Variants in ADGRV1 observed in about 807,000 individuals in gnomAD.
ADGRV1 encodes the protein adhesion G protein-coupled receptor V1, also known as G-protein coupled receptor 98.
A neutral mutation model predicts 596.2 loss-of-function variants in ADGRV1; 359 were observed. The ratio of observed to expected loss-of-function variants is 0.60; its 90% CI spans 0.55 to 0.66. ADGRV1 has a LOEUF of 0.66. Among genes scored for constraint, ADGRV1 ranks in the 30% least tolerant of loss-of-function variants. The probability of loss-of-function intolerance (pLI) is 0.00; values close to 1 mark genes in which losing one functional copy is unlikely to be tolerated. For synonymous variants in ADGRV1, 2,681 were observed against 2,679.2 expected, an observed-to-expected ratio of 1.00 and a Z score of -0.02; for missense variants, 7,274 against 7,575.6, an observed-to-expected ratio of 0.96 and a Z score of 1.48.
At chr5:91,065,982 A>G (rs1787850772) in intron 85 of ADGRV1, among the ~76,000 whole-genome samples, 1 of 152,160 alleles carries the variant, frequency 6.6e-6, no homozygotes, top group South Asian at 2.1e-4. Context: ...TGGTTGTAAG[A>G]CCCCAAAAGA....
chr5:90,764,466 G>A (rs555289232), intron 59 of ADGRV1, among the ~76,000 whole-genome samples: 90 of 152,322 alleles, frequency 5.9e-4, no homozygotes, highest in African/African-American at 2.1e-3. Context: ...TATGCACTAA[G>A]TACCAGTGGG....
rs1391658906 is a variant in ADGRV1 at position 91,150,177 on chromosome 5, G to A, written c.18580G>A (p.Glu6194Lys). The change falls in exon 88 of 90, where the codon GAA becomes AAA. Residue 6194 changes from glutamate (E) to lysine (K), a missense_variant. This residue lies in a region of ADGRV1 where 1,874 missense variants were observed against 1,970.2 expected (regional missense o/e 0.95). Transcript: ENST00000405460. ...GAGTGGAATGCCTCCTGCTGGAGGG[G>A]AAATCAGCAAGTCCACCCAGAATCT... ...PGSGMPPAGG[E>K]ISKSTQNLIG... 3 of 1,593,136 alleles carry A rather than the reference G, an allele frequency of 1.9e-6. No homozygotes were observed. Among genetic ancestry groups the A allele is most frequent in the Non-Finnish European group, 2.6e-6 (3 of 1,170,872 alleles).
chr5:90,855,834 T>G lies in ADGRV1; in HGVS notation c.17688T>G (p.Tyr5896Ter). 1 of 1,613,236 alleles carries G rather than the reference T, an allele frequency of 6.2e-7. No homozygotes were observed. The highest frequency in any genetic ancestry group is 1.1e-5 in the South Asian group (1 of 91,022). ...CACACATGTCTGTGTATGCTGTCTA[T>G]GCTCGGACTGACAACTTGTCTTCAT... ...ACSHMSVYAV[Y>*]ARTDNLSSYN... Residue 5896 changes from tyrosine to a stop codon, truncating the protein, a stop_gained, in exon 82 of 90, where the codon TAT (tyrosine) becomes TAG (stop). Coordinates refer to ENST00000405460, the MANE Select transcript of ADGRV1 (RefSeq NM_032119.4). LOFTEE classifies it high-confidence loss of function.
intron 48 of ADGRV1, among the ~76,000 whole-genome samples, chr5:90,726,360 C>G (rs1443626782): frequency 6.6e-6 from 1 of 152,174 alleles, no homozygotes; most frequent in African/African-American, 2.4e-5. Flanking sequence ...AATGTTCTAG[C>G]TTCACCCAGC....
intron 87 of ADGRV1, among the ~76,000 whole-genome samples, chr5:91,112,706 A>G (rs544411042): frequency 1.4e-4 from 22 of 152,322 alleles, no homozygotes; most frequent in Non-Finnish European, 3.1e-4. Flanking sequence ...AAAACTTTAT[A>G]TGAATATTTT....
chr5:91,081,088 C>T (rs1460708967), intron 86 of ADGRV1, among the ~76,000 whole-genome samples: 1 of 152,076 alleles, frequency 6.6e-6, no homozygotes, highest in Non-Finnish European at 1.5e-5. Context: ...AAGATCAAGG[C>T]GTCAGCTGAT....
chr5:90,962,412 A>C (rs1159423711), intron 83 of ADGRV1, among the ~76,000 whole-genome samples: 1 of 152,244 alleles, frequency 6.6e-6, no homozygotes, highest in Non-Finnish European at 1.5e-5. Context: ...ATGCTTTCAG[A>C]GAACTGACTG....
At chr5:90,754,563 T>G (rs754654861) in intron 54 of ADGRV1, among the ~76,000 whole-genome samples, 2 of 152,206 alleles carry the variant, frequency 1.3e-5, no homozygotes, top group Non-Finnish European at 2.9e-5. Flanking sequence ...ACAAAATCAC[T>G]CTTAATGATT....
At chr5:90,896,929 GT>G (rs1423439592) in intron 83 of ADGRV1, among the ~76,000 whole-genome samples, 1 of 152,182 alleles carries the variant, frequency 6.6e-6, no homozygotes, top group Non-Finnish European at 1.5e-5. Context: ...GCAGGTTCTT[GT>G]TGGGGGGCTG....
intron 83 of ADGRV1, among the ~76,000 whole-genome samples, chr5:90,916,912 G>A (rs548413087): frequency 1.1e-4 from 17 of 152,200 alleles, no homozygotes; most frequent in African/African-American, 3.6e-4. Context: ...GATTACAGGC[G>A]TGAGCCACCG....
rs765717832 is a variant in ADGRV1, at chr5:90,651,717, A to C, written c.3403A>C (p.Thr1135Pro). ...PIDKAVEEGKTNAFWILRHRG... is the reference protein window; with the variant it reads ...PIDKAVEEGKPNAFWILRHRG... Reference sequence around the variant, plus strand: ...AGACAAAGCAGTGGAAGAAGGAAAGACTAATGCATTTTGGTAAGCATATGT... The same window carrying C: ...AGACAAAGCAGTGGAAGAAGGAAAGCCTAATGCATTTTGGTAAGCATATGT... The change falls in exon 18 of 90, where the codon ACT (threonine) becomes CCT (proline). Residue 1135 changes from threonine (T) to proline (P), a missense_variant. By Grantham distance (38) the Thr-to-Pro change is conservative. Transcript: ENST00000405460. The C allele has an allele frequency of 6.8e-6, 11 of 1,611,304 alleles. No individual in the cohort carries two copies. Among genetic ancestry groups the C allele is most frequent in the Non-Finnish European group, 8.5e-6 (10 of 1,177,974 alleles).
chr5:90,798,079 C>A (rs1306702642), intron 70 of ADGRV1, among the ~76,000 whole-genome samples: 2 of 151,940 alleles, frequency 1.3e-5, no homozygotes, highest in Non-Finnish European at 2.9e-5. Flanking sequence ...AAGATCAGAG[C>A]AGAACTGAAG....
intron 10 of ADGRV1, 86 bp from the exon 11 acceptor site, chr5:90,637,639 G>T (rs1423042047): frequency 3.2e-6 from 3 of 945,978 alleles, no homozygotes; most frequent in South Asian, 2.0e-5. Context: ...AGTAATATAT[G>T]TACAAACTAA....
chr5:90,658,383 C>A, intron 21 of ADGRV1, 105 bp downstream of exon 21: 1 of 1,053,890 alleles, frequency 9.5e-7, no homozygotes, highest in Non-Finnish European at 1.3e-6. Flanking sequence ...CGCATCTACT[C>A]CAAGTCCAGA....
intron 82 of ADGRV1, among the ~76,000 whole-genome samples, chr5:90,857,754 T>C (rs1233093862): frequency 6.6e-6 from 1 of 152,168 alleles, no homozygotes; most frequent in Admixed American, 6.5e-5. Context: ...ATCCCTCTGA[T>C]GGATCCCCAG....
intron 1 of ADGRV1, among the ~76,000 whole-genome samples, chr5:90,566,770 A>C (rs1482988598): frequency 6.6e-6 from 1 of 152,090 alleles, no homozygotes; most frequent in East Asian, 1.9e-4. Flanking sequence ...ATCTGTAGAT[A>C]TAGTTTAATT....
intron 5 of ADGRV1, among the ~76,000 whole-genome samples, chr5:90,623,301 A>C (rs1764330046): frequency 6.6e-6 from 1 of 152,246 alleles, no homozygotes; most frequent in South Asian, 2.1e-4. Context: ...AATTCTATAA[A>C]ATTCATGGAA....
chr5:90,584,954 ACAAG>A (rs1561330447), intron 1 of ADGRV1, among the ~76,000 whole-genome samples: 1 of 152,196 alleles, frequency 6.6e-6, no homozygotes, highest in African/African-American at 2.4e-5. Context: ...TAAAATAATA[ACAAG>A]CAAGGTAGCT....
At chr5:90,739,288 T>C (rs1753655081) in intron 50 of ADGRV1, among the ~76,000 whole-genome samples, 1 of 152,210 alleles carries the variant, frequency 6.6e-6, no homozygotes, top group Non-Finnish European at 1.5e-5. Flanking sequence ...TCATTCATTT[T>C]ATAGATCTCC....
Sources: gnomAD v4.1 joint callset for allele counts (sites outside exome capture counted in the v4.1 genomes callset) on GRCh38, gnomAD v4.1.1 for gene constraint, gnomAD v4.1.1 regional missense constraint, MANE v1.5 for transcripts, NCBI Gene and HGNC (gene_info 2026-07-23, HGNC 2026-07-21) for gene names.